Variants in ZBED5 observed in about 807,000 individuals in gnomAD.
The protein encoded by ZBED5 is zinc finger BED-type containing 5, also known as zinc finger BED domain-containing protein 5.
In ZBED5, 29 loss-of-function variants were observed where a neutral mutation model predicts 49.2. The observed-to-expected ratio is 0.59, with a 90% CI of 0.44 to 0.80. The LOEUF is 0.80. ZBED5 is among the 30% of genes least tolerant of loss of function. The pLI is 0.00. For synonymous variants in ZBED5, 281 were observed against 292.5 expected (o/e 0.96, Z 0.40); for missense variants, 775 against 812.9 (o/e 0.95, Z 0.57).
chr11:10,855,923 T>C lies in ZBED5; in HGVS notation c.-142+221A>G, dbSNP rs369298268. On this transcript the variant is annotated intron_variant, in intron 2 of 2. Coordinates refer to ENST00000413761, the MANE Select transcript of ZBED5 (RefSeq NM_001143667.2). The surrounding 1 kb of genome is among the most constrained non-coding windows in gnomAD (Gnocchi z 4.1). ...TAAACTCTCATTTAAGAGGTTTATT[T>C]CTCATATAATAAAACAAATCAAAAT... 7.2e-5 allele frequency: 11 copies of C among 152,278 alleles called. No individual in the cohort carries two copies. In the East Asian group the frequency reaches 1.5e-3, roughly 21 times the overall value. The allele number at this position is 152,278 out of a possible 1,614,324, so 9.4% of individuals were successfully genotyped here.
rs1046886998 is a variant in ZBED5, at chr11:10,857,332, T to C, written c.-256+530A>G. The C allele has an allele frequency of 2.6e-5, 4 of 152,196 alleles. No homozygotes were observed. The highest frequency in any genetic ancestry group is 5.9e-5 in the Non-Finnish European group (4 of 68,048). The allele number at this position is 152,196 out of a possible 1,614,324, so 9.4% of individuals were successfully genotyped here. A position where few individuals can be genotyped will look rare whatever the true frequency, so the allele number is the denominator to read the frequency against. On this transcript the variant is annotated intron_variant, in intron 1 of 2. Transcript: ENST00000413761. The surrounding 1 kb of genome is among the most constrained non-coding windows in gnomAD (Gnocchi z 6.3). ...GAGCGGGGAAAACTTCCGTCTTTAG[T>C]CTCCTTCCGGTTAAACTGACAAGTA...
At position 10,854,720 on chromosome 11, in the gene ZBED5, G is replaced by T. The variant is rs1305632747; in HGVS notation, c.226C>A (p.Gln76Lys). 1.9e-6 allele frequency: 3 copies of T among 1,551,446 alleles called. No homozygotes were observed. The highest frequency in any genetic ancestry group is 2.4e-5 in the East Asian group (1 of 40,910). ...GILQSEDKQL[Q>K]PSVSKKSEGE... Reference sequence around the variant, plus strand: ...TCTGATTTTTTAGAAACTGAAGGTTGCAACTGCTTATCTTCACTTTGTAAT... The same window carrying T: ...TCTGATTTTTTAGAAACTGAAGGTTTCAACTGCTTATCTTCACTTTGTAAT... The change falls in exon 3 of 3, where the codon CAA (glutamine) becomes AAA (lysine). Residue 76 changes from glutamine to lysine, a missense_variant. By Grantham distance (53) the Gln-to-Lys change is moderately conservative. Transcript: ENST00000413761. This position sits in a 1 kb window ranked among gnomAD's most constrained non-coding sequence, Gnocchi z 5.0.
Position 10,853,857 on chromosome 11 carries a change from C to T in ZBED5, c.1089G>A (p.Val363=). The change falls in exon 3 of 3, where the codon GTG becomes GTA. Residue 363 remains valine (V), a synonymous_variant. Coordinates refer to ENST00000413761, the MANE Select transcript of ZBED5 (RefSeq NM_001143667.2). The surrounding 1 kb of genome is among the most constrained non-coding windows in gnomAD (Gnocchi z 5.4). ...IAEAVTLIKY[V]APESTSSHCL... is the part of the protein sequence containing the mutation. The stretch of plus-strand genomic sequence containing the variant: ...AGTGACTACTGGTGCTTTCGGGAGC[C>T]ACATATTTTATTAAGGTGACAGCTT... 6.4e-7 allele frequency: 1 copy of T among 1,551,612 alleles called. No homozygotes were observed.
chr11:10,857,405 T>TA lies in ZBED5; in HGVS notation c.-256+456dup, dbSNP rs960030998. ...TTCGGGCGGTTCCGGCTGGGAACAA[T>TA]ACCCTCAGGGTCAGGAGGACAGGAT... On this transcript the variant is annotated intron_variant, in intron 1 of 2. Coordinates refer to ENST00000413761, the MANE Select transcript of ZBED5 (RefSeq NM_001143667.2). This position sits in a 1 kb window ranked among gnomAD's most constrained non-coding sequence, Gnocchi z 6.3. The TA allele has an allele frequency of 8.5e-5, 13 of 152,212 alleles. No homozygotes were observed. The highest frequency in any genetic ancestry group is 1.6e-4 in the Non-Finnish European group (11 of 68,068). 9.4% of individuals were successfully genotyped at this position (152,212 alleles called of 1,614,324 possible).
At chr11:10,856,357 A>G (rs1294354882) in intron 1 of ZBED5, 100 bp from the exon 2 acceptor site, 1 of 152,200 alleles carries the variant, frequency 6.6e-6, no homozygotes, top group Admixed American at 6.5e-5. Flanking sequence ...AGTGAAAATG[A>G]TTCTTTACTG....
chr11:10,854,197 C>T lies in ZBED5; in HGVS notation c.749G>A (p.Arg250His), dbSNP rs1268587068. 9.7e-6 allele frequency: 15 copies of T among 1,550,944 alleles called. No individual in the cohort carries two copies. Among genetic ancestry groups the T allele is most frequent in the East Asian group, 2.4e-5 (1 of 40,918 alleles). Residue 250 changes from arginine (R) to histidine (H), a missense_variant, in exon 3 of 3, where the codon CGT (arginine) becomes CAT (histidine). Coordinates refer to ENST00000413761, the MANE Select transcript of ZBED5 (RefSeq NM_001143667.2). This position sits in a 1 kb window ranked among gnomAD's most constrained non-coding sequence, Gnocchi z 5.0. ...AVQLSNSTVA[R>H]RIKDLAADIE... ...GTCAGCAGCTAGATCCTTAATTCGA[C>T]GTGCAACAGTACTGTTTGATAGCTG...
chr11:10,857,691 ATCTC>A lies in ZBED5; in HGVS notation c.-256+167_-256+170del, dbSNP rs542113388. ...TGAAAACGTCTCAGCACCCAACACC[ATCTC>A]TCTATTTCATCTCCATCAGCGATGG... On this transcript the variant is annotated intron_variant, in intron 1 of 2. Coordinates refer to ENST00000413761, the MANE Select transcript of ZBED5 (RefSeq NM_001143667.2). This position sits in a 1 kb window ranked among gnomAD's most constrained non-coding sequence, Gnocchi z 6.3. The A allele has an allele frequency of 6.6e-6, 1 of 152,264 alleles. No homozygotes were observed. Among genetic ancestry groups the A allele is most frequent in the South Asian group, 2.1e-4 (1 of 4,812 alleles). The allele number at this position is 152,264 out of a possible 1,614,324, so 9.4% of individuals were successfully genotyped here. A position where few individuals can be genotyped will look rare whatever the true frequency, so the allele number is the denominator to read the frequency against.
Position 10,853,153 on chromosome 11 carries a change from A to T in ZBED5, c.1793T>A (p.Leu598Ter). The T allele has an allele frequency of 1.3e-6, 2 of 1,551,680 alleles. No homozygotes were observed. Among genetic ancestry groups the T allele is most frequent in the Non-Finnish European group, 1.7e-6 (2 of 1,146,954 alleles). ...VARDYESLIDLTSDSQVKQNF... is the reference protein window; with the variant it reads ...VARDYESLID Reference sequence around the variant, plus strand: ...TTGCTTCACTTGAGAATCAGATGTTAAATCAATCAGGCTCTCATAGTCCCG... The same window carrying T: ...TTGCTTCACTTGAGAATCAGATGTTTAATCAATCAGGCTCTCATAGTCCCG... Residue 598 changes from leucine (L) to a stop codon, truncating the protein, a stop_gained, in exon 3 of 3, where the codon TTA becomes TAA. Transcript: ENST00000413761. LOFTEE classifies it high-confidence loss of function. The surrounding 1 kb of genome is among the most constrained non-coding windows in gnomAD (Gnocchi z 5.4).
chr11:10,857,102 T>C lies in ZBED5; in HGVS notation c.-256+760A>G, dbSNP rs1848192330. On this transcript the variant is annotated intron_variant, in intron 1 of 2. Transcript: ENST00000413761. This position sits in a 1 kb window ranked among gnomAD's most constrained non-coding sequence, Gnocchi z 6.3. Reference sequence around the variant, plus strand: ...CTCCTTCCACAGTCTCCTTTTGGATTTTGCAACGGAGAACTCTGTGGAGCT... The same window carrying C: ...CTCCTTCCACAGTCTCCTTTTGGATCTTGCAACGGAGAACTCTGTGGAGCT... The C allele has an allele frequency of 6.6e-6, 1 of 152,200 alleles. No individual in the cohort carries two copies. Among genetic ancestry groups the C allele is most frequent in the Admixed American group, 6.5e-5 (1 of 15,276 alleles). The allele number at this position is 152,200 out of a possible 1,614,324, so 9.4% of individuals were successfully genotyped here.
At position 10,853,429 on chromosome 11, in the gene ZBED5, G is replaced by A. The variant is rs949220785; in HGVS notation, c.1517C>T (p.Ser506Leu). 25 of 1,549,558 alleles carry A rather than the reference G, an allele frequency of 1.6e-5. No homozygotes were observed. Among genetic ancestry groups the A allele is most frequent in the Admixed American group, 1.2e-4 (6 of 50,650 alleles). ...AAATTCCAATTTTCTTAACAATGAC[G>A]ACATTTTATCAAATACTGTAAAAAC... ...VTVFTVFDKM[S>L]SLLRKLEFWA... Residue 506 changes from serine (S) to leucine (L), a missense_variant, in exon 3 of 3, where the codon TCG becomes TTG. Ser to Leu is a moderately radical substitution (Grantham distance 145). Transcript: ENST00000413761. The surrounding 1 kb of genome is among the most constrained non-coding windows in gnomAD (Gnocchi z 5.4).
chr11:10,855,042 T>C lies in ZBED5; in HGVS notation c.-97A>G. 1 of 1,425,358 alleles carries C rather than the reference T, an allele frequency of 7.0e-7. No individual in the cohort carries two copies. 88.3% of individuals were successfully genotyped at this position (1,425,358 alleles called of 1,614,324 possible). On this transcript the variant is annotated 5_prime_UTR_variant, in exon 3 of 3. Coordinates refer to ENST00000413761, the MANE Select transcript of ZBED5 (RefSeq NM_001143667.2). This position sits in a 1 kb window ranked among gnomAD's most constrained non-coding sequence, Gnocchi z 4.1. Reference sequence around the variant, plus strand: ...CATCATACGTTCATGTATCAGGTGATCTCTCATGCGACTTCCTGGTGCTCT... The same window carrying C: ...CATCATACGTTCATGTATCAGGTGACCTCTCATGCGACTTCCTGGTGCTCT...
At position 10,857,697 on chromosome 11, in the gene ZBED5, C is replaced by G. The variant is rs866330761; in HGVS notation, c.-256+165G>C. On this transcript the variant is annotated intron_variant, in intron 1 of 2. Transcript: ENST00000413761. The surrounding 1 kb of genome is among the most constrained non-coding windows in gnomAD (Gnocchi z 6.3). The stretch of plus-strand genomic sequence containing the variant: ...CGTCTCAGCACCCAACACCATCTCT[C>G]TATTTCATCTCCATCAGCGATGGAG... The G allele has an allele frequency of 2.6e-5, 4 of 152,312 alleles. No individual in the cohort carries two copies. The highest frequency in any genetic ancestry group is 5.9e-5 in the Non-Finnish European group (4 of 68,118). The allele number at this position is 152,312 out of a possible 1,614,324, so 9.4% of individuals were successfully genotyped here.
Position 10,853,253 on chromosome 11 carries a change from G to T in ZBED5, c.1693C>A (p.Pro565Thr), listed in dbSNP as rs150592171. Reference sequence around the variant, plus strand: ...CAAGCATTATTGTCATTTGTTACAGGAAAGTATTTTAACAGAGTAGCGCGC... The same window carrying T: ...CAAGCATTATTGTCATTTGTTACAGTAAAGTATTTTAACAGAGTAGCGCGC... Reference protein sequence around the residue: ...GLRATLLKYFPVTNDNNAWVR... With the variant: ...GLRATLLKYFTVTNDNNAWVR... Residue 565 changes from proline to threonine, a missense_variant, in exon 3 of 3, where the codon CCT becomes ACT. Coordinates refer to ENST00000413761, the MANE Select transcript of ZBED5 (RefSeq NM_001143667.2). This position sits in a 1 kb window ranked among gnomAD's most constrained non-coding sequence, Gnocchi z 5.4. 144 of 1,551,440 alleles carry T rather than the reference G, an allele frequency of 9.3e-5. 1 individual carries two copies. In the East Asian group the frequency reaches 3.3e-3, roughly 36 times the overall value.
rs1848146426 is a variant in ZBED5 at position 10,854,195 on chromosome 11, G to A, written c.751C>T (p.Arg251Ter). 4 of 1,550,774 alleles carry A rather than the reference G, an allele frequency of 2.6e-6. No individual in the cohort carries two copies. The highest frequency in any genetic ancestry group is 2.4e-5 in the South Asian group (2 of 84,042). Residue 251 changes from arginine to a stop codon, truncating the protein, a stop_gained, in exon 3 of 3, where the codon CGA becomes TGA. Coordinates refer to ENST00000413761, the MANE Select transcript of ZBED5 (RefSeq NM_001143667.2). LOFTEE classifies it high-confidence loss of function. This position sits in a 1 kb window ranked among gnomAD's most constrained non-coding sequence, Gnocchi z 5.0. ...VQLSNSTVARRIKDLAADIEE... is the reference protein window; with the variant it reads ...VQLSNSTVAR ...ATGTCAGCAGCTAGATCCTTAATTC[G>A]ACGTGCAACAGTACTGTTTGATAGC...
In ZBED5 at chr11:10,854,211, G is replaced by A; in HGVS notation, c.735C>T (p.Asn245=). 6.4e-7 allele frequency: 1 copy of A among 1,551,038 alleles called. No individual in the cohort carries two copies. Among genetic ancestry groups the A allele is most frequent in the South Asian group, 1.2e-5 (1 of 84,058 alleles). The change falls in exon 3 of 3, where the codon AAC becomes AAT. Residue 245 remains asparagine, a synonymous_variant. Coordinates refer to ENST00000413761, the MANE Select transcript of ZBED5 (RefSeq NM_001143667.2). This position sits in a 1 kb window ranked among gnomAD's most constrained non-coding sequence, Gnocchi z 5.0. ...SKKIDAVQLS[N]STVARRIKDL... is the part of the protein sequence containing the mutation. ...CCTTAATTCGACGTGCAACAGTACT[G>A]TTTGATAGCTGTACTGCATCTATTT...
rs959472602 is a variant in ZBED5, at chr11:10,854,730, A to G, written c.216T>C (p.Asp72=). 2.6e-6 allele frequency: 4 copies of G among 1,551,576 alleles called. No individual in the cohort carries two copies. The highest frequency in any genetic ancestry group is 3.5e-6 in the Non-Finnish European group (4 of 1,146,964). The change falls in exon 3 of 3, where the codon GAT becomes GAC. Residue 72 remains aspartate (D), a synonymous_variant. Transcript: ENST00000413761. This position sits in a 1 kb window ranked among gnomAD's most constrained non-coding sequence, Gnocchi z 5.0. ...TAGAAACTGAAGGTTGCAACTGCTT[A>G]TCTTCACTTTGTAATATTCCAACCT... ...DQKVGILQSE[D]KQLQPSVSKK...
Position 10,853,167 on chromosome 11 carries a change from C to T in ZBED5, c.1779G>A (p.Glu593=), listed in dbSNP as rs1848123009. The change falls in exon 3 of 3, where the codon GAG becomes GAA. Residue 593 remains glutamate (E), a synonymous_variant. Transcript: ENST00000413761. The surrounding 1 kb of genome is among the most constrained non-coding windows in gnomAD (Gnocchi z 5.4). ...AATCAGATGTTAAATCAATCAGGCT[C>T]TCATAGTCCCGTGCTACTAATGAAG... The part of the protein sequence containing the change: ...KPASLVARDY[E]SLIDLTSDSQ... The T allele has an allele frequency of 6.4e-7, 1 of 1,551,616 alleles. No homozygotes were observed. Among genetic ancestry groups the T allele is most frequent in the African/African-American group, 1.4e-5 (1 of 73,154 alleles).
Position 10,854,272 on chromosome 11 carries a change from A to G in ZBED5, c.674T>C (p.Val225Ala), listed in dbSNP as rs970830253. The change falls in exon 3 of 3, where the codon GTA (valine) becomes GCA (alanine). Residue 225 changes from valine (V) to alanine (A), a missense_variant. Transcript: ENST00000413761. This position sits in a 1 kb window ranked among gnomAD's most constrained non-coding sequence, Gnocchi z 5.0. ...ELLIKPCAKD[V>A]VMRMFDEQYS... ...TTGTTCATCAAACATCCGCATCACTACATCTTTTGCACAAGGTTTGATAAG... is the reference window on the plus strand; with the variant it reads ...TTGTTCATCAAACATCCGCATCACTGCATCTTTTGCACAAGGTTTGATAAG... 4 of 1,551,020 alleles carry G rather than the reference A, an allele frequency of 2.6e-6. No homozygotes were observed. The African/African-American group carries it at 5.5e-5, about 21-fold the overall frequency.
chr11:10,853,883 C>T lies in ZBED5; in HGVS notation c.1063G>A (p.Glu355Lys), dbSNP rs746360399. 1.1e-5 allele frequency: 17 copies of T among 1,551,606 alleles called. No individual in the cohort carries two copies. Among genetic ancestry groups the T allele is most frequent in the East Asian group, 2.4e-5 (1 of 40,926 alleles). ...ACATATTTTATTAAGGTGACAGCTT[C>T]GGCAATTTTCCCATCCACTGCCCTA... ...ASRAVDGKIA[E>K]AVTLIKYVAP... The change falls in exon 3 of 3, where the codon GAA becomes AAA. Residue 355 changes from glutamate to lysine, a missense_variant. Coordinates refer to ENST00000413761, the MANE Select transcript of ZBED5 (RefSeq NM_001143667.2). The surrounding 1 kb of genome is among the most constrained non-coding windows in gnomAD (Gnocchi z 5.4).
Sources: allele counts gnomAD v4.1 joint callset, GRCh38; gene constraint gnomAD v4.1.1; non-coding constraint Gnocchi (gnomAD v3.1); transcripts MANE v1.5; gene names NCBI Gene and HGNC (gene_info 2026-07-23, HGNC 2026-07-21).